The following SPRR2G variants were observed in gnomAD, a reference collection of about 807,000 sequenced individuals.
The protein encoded by SPRR2G is small proline rich protein 2G.
A neutral mutation model predicts 0.7 loss-of-function variants in SPRR2G; 1 was observed. That is an observed-to-expected ratio of 1.49 (90% confidence interval 0.53 to 7.06). The LOEUF is 7.06. Among genes scored for constraint, SPRR2G ranks in the 30% most tolerant of loss-of-function variants. The probability of loss-of-function intolerance (pLI) is 0.14; values close to 1 mark genes in which losing one functional copy is unlikely to be tolerated. For synonymous variants in SPRR2G, 38 were observed against 33.9 expected (o/e 1.12, Z -0.42); for missense variants, 96 against 88.5 (o/e 1.09, Z -0.34).
intron 1 of SPRR2G, among the ~76,000 whole-genome samples, chr1:153,150,595 A>T (rs551489690): frequency 6.6e-5 from 10 of 152,172 alleles, no homozygotes; most frequent in Non-Finnish European, 1.3e-4. Flanking sequence ...TTTGGAACAG[A>T]TGTGAAGCAG....
the SPRR2G span, among the ~76,000 whole-genome samples, chr1:153,165,106 T>C: frequency 6.6e-6 from 1 of 152,002 alleles, no homozygotes; most frequent in Non-Finnish European, 1.5e-5. Context: ...GAAAATCAGA[T>C]CCAGAATATT....
At chr1:153,160,951 T>C in the SPRR2G span, among the ~76,000 whole-genome samples, 4 of 151,516 alleles carry the variant, frequency 2.6e-5, no homozygotes, top group African/African-American at 9.7e-5. Context: ...GGGACATGGA[T>C]GAAGCTGGAA....
At chr1:153,198,604 G>A in the SPRR2G span, among the ~76,000 whole-genome samples, 1 of 152,208 alleles carries the variant, frequency 6.6e-6, no homozygotes, top group Non-Finnish European at 1.5e-5. Context: ...TAGGAAGCAA[G>A]AGTCTGGGAT....
At chr1:153,169,362 A>G in the SPRR2G span, among the ~76,000 whole-genome samples, 727 of 152,122 alleles carry the variant, frequency 4.8e-3, 11 homozygotes, top group Middle Eastern at 0.02. Context: ...TCAGGAGATC[A>G]AGATCATCTT....
chr1:153,186,608 G>A, the SPRR2G span, among the ~76,000 whole-genome samples: 1 of 151,870 alleles, frequency 6.6e-6, no homozygotes, highest in Non-Finnish European at 1.5e-5. Flanking sequence ...AAGTGAGATG[G>A]GTCTCCTGAA....
chr1:153,150,601 A>G (rs1656446790), intron 1 of SPRR2G, among the ~76,000 whole-genome samples: 1 of 152,204 alleles, frequency 6.6e-6, no homozygotes, highest in African/African-American at 2.4e-5. Context: ...ACAGATGTGA[A>G]GCAGGAGACA....
chr1:153,157,380 G>T, the SPRR2G span, among the ~76,000 whole-genome samples: 1 of 152,154 alleles, frequency 6.6e-6, no homozygotes, highest in Non-Finnish European at 1.5e-5. Flanking sequence ...AACAAACAAA[G>T]TGTGGGAGAG....
chr1:153,155,888 A>T (rs192438134), upstream of SPRR2G, among the ~76,000 whole-genome samples: 1 of 152,350 alleles, frequency 6.6e-6, no homozygotes, highest in East Asian at 1.9e-4. Context: ...CTATTAGGGC[A>T]GGTGACCCTA....
At position 153,150,118 on chromosome 1, in the gene SPRR2G, C is replaced by G; in HGVS notation, c.-8G>C. On this transcript the variant is annotated 5_prime_UTR_variant, in exon 2 of 2. Coordinates refer to ENST00000368748, the MANE Select transcript of SPRR2G (RefSeq NM_001014291.4). ...CTGCTGCTGGTAAGACATCTCTCCT[C>G]AGTCTCAGAGAATCTGAAAGATACA... is the stretch of plus-strand genomic sequence containing the variant. 1 of 1,611,718 alleles carries G rather than the reference C, an allele frequency of 6.2e-7. No individual in the cohort carries two copies. Among genetic ancestry groups the G allele is most frequent in the South Asian group, 1.1e-5 (1 of 90,980 alleles).
chr1:153,179,909 T>C, the SPRR2G span, among the ~76,000 whole-genome samples: 3 of 152,144 alleles, frequency 2.0e-5, no homozygotes, highest in Admixed American at 6.6e-5. Context: ...TCCTCCCTAA[T>C]TGAAATGATC....
At chr1:153,196,720 T>C in the SPRR2G span, among the ~76,000 whole-genome samples, 1 of 152,210 alleles carries the variant, frequency 6.6e-6, no homozygotes, top group African/African-American at 2.4e-5. Context: ...GTGAAGGAAA[T>C]GGGTCTCTGC....
the SPRR2G span, among the ~76,000 whole-genome samples, chr1:153,177,674 T>C: frequency 3.3e-5 from 5 of 152,196 alleles, no homozygotes; most frequent in Non-Finnish European, 7.4e-5. Context: ...ATTTCTGAGT[T>C]CTTTATGCTT....
At chr1:153,198,020 T>C in the SPRR2G span, among the ~76,000 whole-genome samples, 1 of 151,956 alleles carries the variant, frequency 6.6e-6, no homozygotes, top group Non-Finnish European at 1.5e-5. Context: ...AGGAAGTAAA[T>C]AACTACAAAA....
chr1:153,160,878 T>C, the SPRR2G span, among the ~76,000 whole-genome samples: 1 of 151,236 alleles, frequency 6.6e-6, no homozygotes, highest in African/African-American at 2.5e-5. Context: ...TAAGAAAATG[T>C]GGCACATATA....
rs1571025225 is a variant in SPRR2G at position 153,150,211 on chromosome 1, A to G, written c.-21-80T>C. ...CAATTAGCTAGGACATCAAATCTCCAGTATCTAGGGACCAACTTTGATCCC... is the reference window on the plus strand; with the variant it reads ...CAATTAGCTAGGACATCAAATCTCCGGTATCTAGGGACCAACTTTGATCCC... On this transcript the variant is annotated intron_variant, in intron 1 of 1. Transcript: ENST00000368748. 27 of 1,564,122 alleles carry G rather than the reference A, an allele frequency of 1.7e-5. No individual in the cohort carries two copies. The East Asian group carries it at 5.9e-4, about 34-fold the overall frequency.
the SPRR2G span, among the ~76,000 whole-genome samples, chr1:153,198,897 A>T: frequency 7.4e-4 from 113 of 152,286 alleles, no homozygotes; most frequent in Non-Finnish European, 1.3e-3. Context: ...GGTGCAGGTG[A>T]TGTTGAAAGG....
At chr1:153,173,250 A>C in the SPRR2G span, among the ~76,000 whole-genome samples, 1 of 152,218 alleles carries the variant, frequency 6.6e-6, no homozygotes, top group Non-Finnish European at 1.5e-5. Flanking sequence ...CTTGGGACAG[A>C]ACATGGCTAA....
the SPRR2G span, among the ~76,000 whole-genome samples, chr1:153,180,375 T>G: frequency 6.6e-6 from 1 of 152,170 alleles, no homozygotes; most frequent in African/African-American, 2.4e-5. Flanking sequence ...ATGAACTCTT[T>G]GGTGCCTGGA....
At chr1:153,160,999 C>A in the SPRR2G span, among the ~76,000 whole-genome samples, 8 of 150,486 alleles carry the variant, frequency 5.3e-5, no homozygotes, top group East Asian at 2.0e-4. Context: ...GGACAAAAAA[C>A]CAAACACCAC....
Sources: gnomAD v4.1 joint callset for allele counts (sites outside exome capture counted in the v4.1 genomes callset) on GRCh38, gnomAD v4.1.1 for gene constraint, MANE v1.5 for transcripts, NCBI Gene and HGNC (gene_info 2026-07-23, HGNC 2026-07-21) for gene names.